Variants in OR7D4 observed in about 807,000 individuals in gnomAD.
OR7D4 encodes olfactory receptor family 7 subfamily D member 4.
For missense variants in OR7D4, 319 were observed against 377.1 expected (o/e 0.85, Z 1.27); for synonymous variants, 154 against 158.4 (o/e 0.97, Z 0.21).
rs181173619 is a variant in OR7D4, at chr19:9,213,309, A to G, written c.*590T>C. 2 of 152,652 alleles carry G rather than the reference A, an allele frequency of 1.3e-5. No individual in the cohort carries two copies. Among genetic ancestry groups the G allele is most frequent in the African/African-American group, 4.8e-5 (2 of 41,556 alleles). The allele number at this position is 152,652 out of a possible 1,614,324, so 9.5% of individuals were successfully genotyped here. On this transcript the variant is annotated 3_prime_UTR_variant, in exon 2 of 2. Coordinates refer to ENST00000641669, the MANE Select transcript of OR7D4 (RefSeq NM_001005191.3). ...CTCAGAAAGAGTGGTAAGAAAACTGATCAAAGATGGAACTTTATGGGAAAC... is the reference window on the plus strand; with the variant it reads ...CTCAGAAAGAGTGGTAAGAAAACTGGTCAAAGATGGAACTTTATGGGAAAC...
intron 1 of OR7D4, among the ~76,000 whole-genome samples, chr19:9,218,644 G>T (rs924768548): frequency 1.3e-5 from 2 of 151,266 alleles, no homozygotes; most frequent in Non-Finnish European, 2.9e-5. Flanking sequence ...ATTTTTTTTT[G>T]GGGGGGACAT....
chr19:9,214,340 C>T lies in OR7D4; in HGVS notation c.498G>A (p.Leu166=). The T allele has an allele frequency of 6.2e-7, 1 of 1,614,102 alleles. No homozygotes were observed. ...SLVHILLMKR[L]TFSTGTEIPH... is the part of the protein sequence containing the mutation. ...GAATCTCAGTGCCTGTGGAGAAGGT[C>T]AACCTCTTCATCAGTAGAATATGAA... The change falls in exon 2 of 2, where the codon TTG becomes TTA. Residue 166 remains leucine (L), a synonymous_variant. Transcript: ENST00000641669.
At position 9,214,612 on chromosome 19, in the gene OR7D4, T is replaced by A. The variant is rs753155970; in HGVS notation, c.226A>T (p.Thr76Ser). The change falls in exon 2 of 2, where the codon ACC becomes TCC. Residue 76 changes from threonine (T) to serine (S), a missense_variant. Physicochemically the swap from Thr to Ser is moderately conservative, Grantham distance 58. Transcript: ENST00000641669. Reference sequence around the variant, plus strand: ...CTCACTAGCATCTTGGGGACTGTGGTGGAGATGAAACAGATGTCAACAAAG... The same window carrying A: ...CTCACTAGCATCTTGGGGACTGTGGAGGAGATGAAACAGATGTCAACAAAG... ...LSFVDICFIS[T>S]TVPKMLVSIQ... 6 of 1,613,828 alleles carry A rather than the reference T, an allele frequency of 3.7e-6. No individual in the cohort carries two copies. In the South Asian group the frequency reaches 5.5e-5, roughly 15 times the overall value.
At position 9,212,992 on chromosome 19, in the gene OR7D4, A is replaced by G. The variant is rs1417421966; in HGVS notation, c.*907T>C. The G allele has an allele frequency of 6.6e-6, 1 of 152,166 alleles. No individual in the cohort carries two copies. The highest frequency in any genetic ancestry group is 2.1e-4 in the South Asian group (1 of 4,834). 9.4% of individuals were successfully genotyped at this position (152,166 alleles called of 1,614,324 possible). On this transcript the variant is annotated 3_prime_UTR_variant, in exon 2 of 2. Coordinates refer to ENST00000641669, the MANE Select transcript of OR7D4 (RefSeq NM_001005191.3). ...GTGGGCAAAGTGTCAGATTGTTAGG[A>G]TATACTCTACCTCCATCTCAGTCTC...
Position 9,212,327 on chromosome 19 carries a change from C to T in OR7D4, c.*1572G>A. On this transcript the variant is annotated 3_prime_UTR_variant, in exon 2 of 2. Transcript: ENST00000641669. ...AATCTCAGCTCACTGCAACCTCTGC[C>T]ACCTGAGTTTTATTTCAAAGACAAA... 6.6e-6 allele frequency: 1 copy of T among 152,074 alleles called. No homozygotes were observed. The highest frequency in any genetic ancestry group is 6.6e-5 in the Admixed American group (1 of 15,260). 9.4% of individuals were successfully genotyped at this position (152,074 alleles called of 1,614,324 possible). A position where few individuals can be genotyped will look rare whatever the true frequency, so the allele number is the denominator to read the frequency against.
chr19:9,216,192 C>T (rs989480956), intron 1 of OR7D4, among the ~76,000 whole-genome samples: 6 of 152,146 alleles, frequency 3.9e-5, no homozygotes, highest in Admixed American at 6.5e-5. Context: ...GATCTGCCAC[C>T]CCCTGCACCC....
chr19:9,218,634 A>AT (rs954393409), intron 1 of OR7D4, among the ~76,000 whole-genome samples: 8 of 151,578 alleles, frequency 5.3e-5, no homozygotes, highest in East Asian at 1.9e-4. Context: ...ATGCAAATGG[A>AT]TTTTTTTTTG....
Position 9,212,388 on chromosome 19 carries a change from T to G in OR7D4, c.*1511A>C, listed in dbSNP as rs866375017. ...AGGTATTTGAATAAACAGAAAATACTGGCTACCAAATTTGCAGGATGCAAA... is the reference window on the plus strand; with the variant it reads ...AGGTATTTGAATAAACAGAAAATACGGGCTACCAAATTTGCAGGATGCAAA... On this transcript the variant is annotated 3_prime_UTR_variant, in exon 2 of 2. Transcript: ENST00000641669. 96 of 152,302 alleles carry G rather than the reference T, an allele frequency of 6.3e-4. No homozygotes were observed. The highest frequency in any genetic ancestry group is 2.2e-3 in the African/African-American group (92 of 41,560). 9.4% of individuals were successfully genotyped at this position (152,302 alleles called of 1,614,324 possible). A position where few individuals can be genotyped will look rare whatever the true frequency, so the allele number is the denominator to read the frequency against.
Position 9,214,413 on chromosome 19 carries a change from C to T in OR7D4, c.425G>A (p.Gly142Asp), listed in dbSNP as rs143821467. The change falls in exon 2 of 2, where the codon GGC becomes GAC. Residue 142 changes from glycine to aspartate, a missense_variant. Gly to Asp is a moderately conservative substitution (Grantham distance 94). Transcript: ENST00000641669. ...GAACCAAGATGCCAGAACCAGGAGGCCACAGAGGCAGGGGTTCATGATGAC... is the reference window on the plus strand; with the variant it reads ...GAACCAAGATGCCAGAACCAGGAGGTCACAGAGGCAGGGGTTCATGATGAC... ...YTVIMNPCLC[G>D]LLVLASWFII... The T allele has an allele frequency of 6.2e-7, 1 of 1,614,104 alleles. No homozygotes were observed. Among genetic ancestry groups the T allele is most frequent in the Non-Finnish European group, 8.5e-7 (1 of 1,180,030 alleles).
At position 9,214,145 on chromosome 19, in the gene OR7D4, G is replaced by A. The variant is rs377111473; in HGVS notation, c.693C>T (p.Thr231=). Reference sequence around the variant, plus strand: ...TGGAAAAGGCTTTGTACTTGCCCTTGGTGGAGGACATTCCCATTAAGGAGG... The same window carrying A: ...TGGAAAAGGCTTTGTACTTGCCCTTAGTGGAGGACATTCCCATTAAGGAGG... ...IVSSLMGMSS[T]KGKYKAFSTC... The change falls in exon 2 of 2, where the codon ACC becomes ACT. Residue 231 remains threonine (T), a synonymous_variant. Coordinates refer to ENST00000641669, the MANE Select transcript of OR7D4 (RefSeq NM_001005191.3). 22 of 1,613,890 alleles carry A rather than the reference G, an allele frequency of 1.4e-5. No individual in the cohort carries two copies. Among genetic ancestry groups the A allele is most frequent in the Non-Finnish European group, 1.9e-5 (22 of 1,179,876 alleles).
intron 1 of OR7D4, among the ~76,000 whole-genome samples, chr19:9,215,241 G>T (rs975100548): frequency 6.6e-6 from 1 of 151,510 alleles, no homozygotes; most frequent in South Asian, 2.1e-4. Context: ...TACTAAGGAG[G>T]CTGAGGCAGG....
At chr19:9,218,792 C>A (rs1388519876) in intron 1 of OR7D4, among the ~76,000 whole-genome samples, 1 of 151,992 alleles carries the variant, frequency 6.6e-6, no homozygotes, top group Non-Finnish European at 1.5e-5. Context: ...AGGTGTCAGG[C>A]TTTCTTTTTT....
chr19:9,215,939 A>G (rs2051207967), intron 1 of OR7D4, among the ~76,000 whole-genome samples: 1 of 152,166 alleles, frequency 6.6e-6, no homozygotes, highest in Non-Finnish European at 1.5e-5. Flanking sequence ...TAATGGACTT[A>G]CAGTTCCACG....
intron 1 of OR7D4, among the ~76,000 whole-genome samples, chr19:9,215,387 C>T (rs1842033962): frequency 6.6e-6 from 1 of 151,038 alleles, no homozygotes; most frequent in Non-Finnish European, 1.5e-5. Flanking sequence ...CATTTACTCA[C>T]CAGTTTTAAT....
intron 1 of OR7D4, among the ~76,000 whole-genome samples, chr19:9,217,255 A>G (rs146594641): frequency 1.3e-5 from 2 of 152,354 alleles, no homozygotes; most frequent in African/African-American, 4.8e-5. Context: ...TATCAGGGCA[A>G]TGAATTGCCA....
At position 9,214,555 on chromosome 19, in the gene OR7D4, T is replaced by C. The variant is rs557489961; in HGVS notation, c.283A>G (p.Met95Val). The C allele has an allele frequency of 6.2e-6, 10 of 1,614,052 alleles. No homozygotes were observed. Among genetic ancestry groups the C allele is most frequent in the African/African-American group, 5.3e-5 (4 of 75,034 alleles). The part of the protein sequence containing the change: ...IQARSKDISY[M>V]GCLTQVYFLM... ...AAATACACCTGAGTGAGGCACCCCA[T>C]GTAGGAGATGTCTTTGCTCCGTGCC... The change falls in exon 2 of 2, where the codon ATG (methionine) becomes GTG (valine). Residue 95 changes from methionine to valine, a missense_variant. Coordinates refer to ENST00000641669, the MANE Select transcript of OR7D4 (RefSeq NM_001005191.3).
In OR7D4 at chr19:9,219,457, C is replaced by T. The variant is rs2051240003; in HGVS notation, c.-271G>A. ...CTCAATAAGTATGGGACTTTCCAGG[C>T]TCATTACTGTGAAGGCTAGTACTTA... On this transcript the variant is annotated 5_prime_UTR_variant, in exon 1 of 2. Coordinates refer to ENST00000641669, the MANE Select transcript of OR7D4 (RefSeq NM_001005191.3). 6.6e-6 allele frequency: 1 copy of T among 152,156 alleles called. No individual in the cohort carries two copies. The highest frequency in any genetic ancestry group is 2.4e-5 in the African/African-American group (1 of 41,412). The allele number at this position is 152,156 out of a possible 1,614,324, so 9.4% of individuals were successfully genotyped here.
Position 9,212,073 on chromosome 19 carries a change from G to A in OR7D4, c.*1826C>T, listed in dbSNP as rs1288042584. 8.6e-5 allele frequency: 13 copies of A among 151,906 alleles called. No individual in the cohort carries two copies. Among genetic ancestry groups the A allele is most frequent in the African/African-American group, 1.7e-4 (7 of 41,444 alleles). The allele number at this position is 151,906 out of a possible 1,614,324, so 9.4% of individuals were successfully genotyped here. Reference sequence around the variant, plus strand: ...TTTAAAACATTTTTAATTTTTGTGCGTAGATAGTAGCTGTATATATTTATG... The same window carrying A: ...TTTAAAACATTTTTAATTTTTGTGCATAGATAGTAGCTGTATATATTTATG... On this transcript the variant is annotated 3_prime_UTR_variant, in exon 2 of 2. Coordinates refer to ENST00000641669, the MANE Select transcript of OR7D4 (RefSeq NM_001005191.3).
chr19:9,214,326 C>A lies in OR7D4; in HGVS notation c.512G>T (p.Gly171Val). 6.2e-7 allele frequency: 1 copy of A among 1,614,030 alleles called. No individual in the cohort carries two copies. Among genetic ancestry groups the A allele is most frequent in the Non-Finnish European group, 8.5e-7 (1 of 1,180,010 alleles). The change falls in exon 2 of 2, where the codon GGC becomes GTC. Residue 171 changes from glycine (G) to valine (V), a missense_variant. Transcript: ENST00000641669. ...LLMKRLTFST[G>V]TEIPHFFCEP... ...ACAGAAGAAATGCGGAATCTCAGTG[C>A]CTGTGGAGAAGGTCAACCTCTTCAT...
Sources: allele counts gnomAD v4.1 joint callset (sites outside exome capture counted in the v4.1 genomes callset), GRCh38; gene constraint gnomAD v4.1.1; transcripts MANE v1.5; gene names NCBI Gene and HGNC (gene_info 2026-07-23, HGNC 2026-07-21).